The following MSRA variants were observed in gnomAD, a reference collection of about 807,000 sequenced individuals.
The protein encoded by MSRA is mitochondrial peptide methionine sulfoxide reductase.
A neutral mutation model predicts 31.3 loss-of-function variants in MSRA; 54 were observed. The ratio of observed to expected loss-of-function variants is 1.73; its 90% confidence interval spans 1.39 to 2.17. The LOEUF is 2.17. MSRA is among the 30% of genes most tolerant of loss of function. MSRA has a pLI of 0.00. For missense variants in MSRA, 507 were observed against 300.9 expected (o/e 1.69, Z -5.07); for synonymous variants, 169 against 116.5 (o/e 1.45, Z -2.90).
chr8:10,083,305 T>A (rs1482467738), intron 1 of MSRA, among the ~76,000 whole-genome samples: 1 of 152,210 alleles, frequency 6.6e-6, no homozygotes, highest in African/African-American at 2.4e-5. Flanking sequence ...CTGGCTAATA[T>A]TCTAATTGAG....
At chr8:10,086,326 G>C (rs1798556456) in intron 1 of MSRA, among the ~76,000 whole-genome samples, 1 of 152,194 alleles carries the variant, frequency 6.6e-6, no homozygotes, top group South Asian at 2.1e-4. Flanking sequence ...AGAAAGGAAT[G>C]AAGGTTTTTG....
rs142124815 is a variant in MSRA at position 10,364,811 on chromosome 8, G to A, written c.543+44822G>A. On this transcript the variant is annotated intron_variant, in intron 5 of 5. Transcript: ENST00000317173. ...TGCACAGTAGATATTACCACCCTCC[G>A]ACTTTGTTTTGGGAAATCCCCGGAT... Among the ~76,000 whole-genome samples, 169 of 152,240 alleles carry A rather than the reference G, an allele frequency of 1.1e-3. 2 individuals carry two copies. In the East Asian group the frequency reaches 0.024, roughly 21 times the overall value.
At chr8:10,404,818 G>T (rs947643391) in intron 5 of MSRA, among the ~76,000 whole-genome samples, 1 of 152,052 alleles carries the variant, frequency 6.6e-6, no homozygotes. Context: ...ATTTTTGGCC[G>T]CCAGACCATG....
chr8:10,093,716 C>T (rs1209854436), intron 1 of MSRA, among the ~76,000 whole-genome samples: 3 of 152,016 alleles, frequency 2.0e-5, no homozygotes, highest in African/African-American at 7.2e-5. Context: ...ATACTTACTC[C>T]TATATTTCTT....
chr8:10,412,483 C>G (rs1273982001), intron 5 of MSRA, among the ~76,000 whole-genome samples: 1 of 152,132 alleles, frequency 6.6e-6, no homozygotes, highest in East Asian at 1.9e-4. Flanking sequence ...ACATGATGTT[C>G]CAGGTATAGA....
chr8:10,273,890 T>G (rs1213108909), intron 3 of MSRA, among the ~76,000 whole-genome samples: 1 of 152,104 alleles, frequency 6.6e-6, no homozygotes, highest in Non-Finnish European at 1.5e-5. Flanking sequence ...CCTTCCTATC[T>G]GCGGATGAGG....
At chr8:10,344,068 T>C (rs1454472182) in intron 5 of MSRA, among the ~76,000 whole-genome samples, 3 of 152,220 alleles carry the variant, frequency 2.0e-5, no homozygotes, top group Non-Finnish European at 4.4e-5. Flanking sequence ...ATAAGATCCA[T>C]ATCTCTAAGC....
At chr8:10,256,844 A>G (rs1382598526) in intron 3 of MSRA, among the ~76,000 whole-genome samples, 2 of 152,046 alleles carry the variant, frequency 1.3e-5, no homozygotes, top group Non-Finnish European at 2.9e-5. Flanking sequence ...AAGATTTCTC[A>G]GTTTGGGAGG....
intron 5 of MSRA, among the ~76,000 whole-genome samples, chr8:10,410,452 C>T (rs779240466): frequency 5.9e-5 from 9 of 152,282 alleles, no homozygotes; most frequent in South Asian, 2.1e-4. Flanking sequence ...TCCGTCACAT[C>T]GCAAAAATAA....
In MSRA at chr8:10,106,405, G is replaced by T. The variant is rs560923278; in HGVS notation, c.142+51747G>T. 4.6e-5 allele frequency among the ~76,000 whole-genome samples: 7 copies of T among 152,234 alleles called. No individual in the cohort carries two copies. The East Asian group carries it at 1.4e-3, about 29-fold the overall frequency. On this transcript the variant is annotated intron_variant, in intron 1 of 5. Coordinates refer to ENST00000317173, the MANE Select transcript of MSRA (RefSeq NM_012331.5). ...GAATTCTTACCTGGAATCAGCATTT[G>T]GCTCCAGTCACCGTCTCTGCACCAT...
At chr8:10,210,623 C>T (rs901090474) in intron 2 of MSRA, among the ~76,000 whole-genome samples, 1 of 152,162 alleles carries the variant, frequency 6.6e-6, no homozygotes, top group Admixed American at 6.5e-5. Context: ...TCTTACATTC[C>T]CTTGACTGTG....
intron 2 of MSRA, among the ~76,000 whole-genome samples, chr8:10,209,738 C>T (rs1249691003): frequency 6.6e-6 from 1 of 152,190 alleles, no homozygotes; most frequent in African/African-American, 2.4e-5. Flanking sequence ...TTGGCCTTTA[C>T]CTCTTACGCC....
Position 10,315,350 on chromosome 8 carries a change from G to A in MSRA, c.437-4533G>A, listed in dbSNP as rs1301836777. On this transcript the variant is annotated intron_variant, in intron 4 of 5. Coordinates refer to ENST00000317173, the MANE Select transcript of MSRA (RefSeq NM_012331.5). ...ACCAGGTGTGGTACAACCAGAGAGA[G>A]GGAAGGCATTGTCATCAATAGAGAC... 3.3e-5 allele frequency among the ~76,000 whole-genome samples: 5 copies of A among 152,260 alleles called. No individual in the cohort carries two copies. The East Asian group carries it at 9.6e-4, about 29-fold the overall frequency.
At chr8:10,270,347 G>A (rs888929220) in intron 3 of MSRA, among the ~76,000 whole-genome samples, 5 of 151,566 alleles carry the variant, frequency 3.3e-5, no homozygotes, top group African/African-American at 1.2e-4. Flanking sequence ...TTGGCTGAAG[G>A]CTTCATTTCT....
chr8:10,055,191 T>C (rs1195380062), intron 1 of MSRA, among the ~76,000 whole-genome samples: 2 of 152,078 alleles, frequency 1.3e-5, no homozygotes, highest in Admixed American at 6.5e-5. Context: ...TAGTCACCCC[T>C]CGTGCCCTAG....
intron 3 of MSRA, among the ~76,000 whole-genome samples, chr8:10,255,957 G>T (rs1798154602): frequency 1.3e-5 from 2 of 152,044 alleles, no homozygotes; most frequent in African/African-American, 4.8e-5. Flanking sequence ...CCACCTGAGT[G>T]GTGCATTTGT....
intron 3 of MSRA, among the ~76,000 whole-genome samples, chr8:10,300,679 C>G (rs767805797): frequency 6.6e-5 from 10 of 152,142 alleles, no homozygotes; most frequent in Non-Finnish European, 1.5e-4. Context: ...CTGCCATGCC[C>G]AGCTTGCCAA....
At chr8:10,280,771 C>G (rs767901530) in intron 3 of MSRA, among the ~76,000 whole-genome samples, 3 of 152,188 alleles carry the variant, frequency 2.0e-5, no homozygotes, top group Non-Finnish European at 4.4e-5. Context: ...AAAGTGGAAA[C>G]AACCCAAACG....
rs2129042241 is a variant in MSRA, at chr8:10,161,522, GTTC to G, written c.143-46306_143-46304del. Among the ~76,000 whole-genome samples the G allele has an allele frequency of 2.0e-5, 3 of 152,272 alleles. No individual in the cohort carries two copies. In the South Asian group the frequency reaches 6.2e-4, roughly 32 times the overall value. On this transcript the variant is annotated intron_variant, in intron 1 of 5. Coordinates refer to ENST00000317173, the MANE Select transcript of MSRA (RefSeq NM_012331.5). ...TGAAGAAGAAGGAAAAAATTAAGTT[GTTC>G]TTCTAGAAAACAATTTTGGGAAATG...
Sources: allele counts gnomAD v4.1 joint callset (sites outside exome capture counted in the v4.1 genomes callset), GRCh38; gene constraint gnomAD v4.1.1; transcripts MANE v1.5; gene names NCBI Gene and HGNC (gene_info 2026-07-23, HGNC 2026-07-21).